CHEK1: variants seen among roughly 807,000 people sequenced by gnomAD.
The protein encoded by CHEK1 is checkpoint kinase 1.
CHEK1 carries 32 observed loss-of-function variants against 60.2 expected under a neutral mutation model. That is an observed-to-expected ratio of 0.53 (90% CI 0.40 to 0.71). The LOEUF (loss-of-function observed/expected upper bound fraction) is 0.71. Ranked by LOEUF, CHEK1 falls within the 30% of genes least tolerant of loss-of-function variation. The pLI, the probability that CHEK1 is intolerant of heterozygous loss-of-function variation, is 0.00. For synonymous variants in CHEK1, 179 were observed against 187.2 expected (o/e 0.96, Z 0.36); for missense variants, 399 against 564.6 (o/e 0.71, Z 2.97).
At position 125,626,167 on chromosome 11, in the gene CHEK1, A is replaced by C. The variant is rs569256953; in HGVS notation, c.-21+155A>C. The C allele has an allele frequency of 9.8e-4, 595 of 608,606 alleles. 1 individual carries two copies. The highest frequency in any genetic ancestry group is 9.1e-3 in the African/African-American group (496 of 54,306). 37.7% of individuals were successfully genotyped at this position (608,606 alleles called of 1,614,324 possible). On this transcript the variant is annotated intron_variant, in intron 1 of 12. Coordinates refer to ENST00000438015, the MANE Select transcript of CHEK1 (RefSeq NM_001114122.3). ...GAGGGGCGGTTTCGGAGGGTGGAGG[A>C]ATGGTACCAGGAGGTTCCCGTTGTG...
chr11:125,660,839 G>A (rs898368750), downstream of CHEK1, among the ~76,000 whole-genome samples: 13 of 151,606 alleles, frequency 8.6e-5, no homozygotes, highest in African/African-American at 1.2e-4. Flanking sequence ...GAAATGGCGC[G>A]ATCTTGGCTC....
intron 8 of CHEK1, among the ~76,000 whole-genome samples, chr11:125,640,317 G>A (rs542691141): frequency 2.2e-4 from 33 of 152,158 alleles, no homozygotes; most frequent in African/African-American, 4.6e-4. Flanking sequence ...CAAGGCGGGC[G>A]GATCACGAGG....
At chr11:125,676,503 G>T, downstream of CHEK1, 3 of 1,613,712 alleles carry the variant, frequency 1.9e-6, no homozygotes, top group South Asian at 3.3e-5. Flanking sequence ...TAAGCCTGAT[G>T]ACATTTCCTT....
chr11:125,628,217 A>G (rs1591391015), intron 3 of CHEK1, among the ~76,000 whole-genome samples: 1 of 152,326 alleles, frequency 6.6e-6, no homozygotes, highest in East Asian at 1.9e-4. Flanking sequence ...TTACAGATCT[A>G]AAATAGCATG....
downstream of CHEK1, among the ~76,000 whole-genome samples, chr11:125,660,257 G>A (rs556354330): frequency 6.6e-6 from 1 of 152,126 alleles, no homozygotes; most frequent in Non-Finnish European, 1.5e-5. Flanking sequence ...ACAGGCTTCT[G>A]TATATCTCCA....
At position 125,656,742 on chromosome 11, in the gene CHEK1, G is replaced by A. The variant is rs1026172464; in HGVS notation, c.*1422G>A. The A allele has an allele frequency of 7.9e-5, 17 of 214,922 alleles. No individual in the cohort carries two copies. The highest frequency in any genetic ancestry group is 3.6e-4 in the African/African-American group (16 of 44,316). 13.3% of individuals were successfully genotyped at this position (214,922 alleles called of 1,614,324 possible). A position where few individuals can be genotyped will look rare whatever the true frequency, so the allele number is the denominator to read the frequency against. Reference sequence around the variant, plus strand: ...TGACCAAAAACAGCTTTTGATTCCTGTTCTCCAACCTGTTCCTCTCCTAGT... The same window carrying A: ...TGACCAAAAACAGCTTTTGATTCCTATTCTCCAACCTGTTCCTCTCCTAGT... On this transcript the variant is annotated 3_prime_UTR_variant, in exon 13 of 13. Coordinates refer to ENST00000438015, the MANE Select transcript of CHEK1 (RefSeq NM_001114122.3).
At chr11:125,657,942 A>G (rs1941949645), downstream of CHEK1, among the ~76,000 whole-genome samples, 1 of 152,258 alleles carries the variant, frequency 6.6e-6, no homozygotes. Context: ...GTGTACAGTT[A>G]CTGGAAAAAC....
downstream of CHEK1, chr11:125,677,720 T>G (rs1401661695): frequency 3.7e-5 from 58 of 1,574,058 alleles, no homozygotes; most frequent in Middle Eastern, 8.5e-4. Flanking sequence ...ACTCCTTCCC[T>G]AAAATTGGGT....
intron 13 of CHEK1, among the ~76,000 whole-genome samples, chr11:125,666,619 C>T (rs1487402130): frequency 2.0e-5 from 3 of 152,108 alleles, no homozygotes; most frequent in Non-Finnish European, 4.4e-5. Context: ...TACTGTATTG[C>T]AGTCGGTCTC....
At chr11:125,660,506 A>G (rs1261207539), downstream of CHEK1, among the ~76,000 whole-genome samples, 1 of 151,988 alleles carries the variant, frequency 6.6e-6, no homozygotes, top group Non-Finnish European at 1.5e-5. Flanking sequence ...GACTACAGGT[A>G]TATGCCACCA....
chr11:125,672,321 T>A, intron 13 of CHEK1: 1 of 356,118 alleles, frequency 2.8e-6, no homozygotes, highest in South Asian at 4.6e-5. Context: ...AAAAGGTCTG[T>A]CTTGAGCCTG....
downstream of CHEK1, among the ~76,000 whole-genome samples, chr11:125,679,216 C>CTTTTTTTTTCT (rs1555078743): frequency 8.3e-6 from 1 of 121,040 alleles, no homozygotes; most frequent in Non-Finnish European, 1.6e-5. Flanking sequence ...CCGTCTCTTT[C>CTTTTTTTTTCT]TTTTTTTTTT....
chr11:125,661,933 T>C (rs563556002), downstream of CHEK1, among the ~76,000 whole-genome samples: 12 of 152,340 alleles, frequency 7.9e-5, no homozygotes, highest in African/African-American at 2.9e-4. Flanking sequence ...TTTTCCCCAC[T>C]GGTATCCAAT....
chr11:125,676,384 C>T (rs1355335051), downstream of CHEK1: 5 of 1,614,050 alleles, frequency 3.1e-6, no homozygotes, highest in African/African-American at 1.3e-5. Context: ...TTAACATGCA[C>T]TGCTGGGAAT....
At chr11:125,652,593 T>C (rs1161576745) in intron 11 of CHEK1, among the ~76,000 whole-genome samples, 1 of 152,124 alleles carries the variant, frequency 6.6e-6, no homozygotes, top group Non-Finnish European at 1.5e-5. Flanking sequence ...ATAGATTGGG[T>C]TGGGGACACA....
rs1268924766 is a variant in CHEK1, at chr11:125,656,533, A to T, written c.*1213A>T. 1 of 214,274 alleles carries T rather than the reference A, an allele frequency of 4.7e-6. No homozygotes were observed. Among genetic ancestry groups the T allele is most frequent in the Admixed American group, 5.8e-5 (1 of 17,096 alleles). The allele number at this position is 214,274 out of a possible 1,614,324, so 13.3% of individuals were successfully genotyped here. A position where few individuals can be genotyped will look rare whatever the true frequency, so the allele number is the denominator to read the frequency against. On this transcript the variant is annotated 3_prime_UTR_variant, in exon 13 of 13. Coordinates refer to ENST00000438015, the MANE Select transcript of CHEK1 (RefSeq NM_001114122.3). ...AAACCTGTTTTATTTATTTGAACCT[A>T]TTTACGGTATGCTTAAGAATTGAAT...
chr11:125,625,818 G>A lies in CHEK1; in HGVS notation c.-215G>A, dbSNP rs1485882936. On this transcript the variant is annotated 5_prime_UTR_variant, in exon 1 of 13. Coordinates refer to ENST00000438015, the MANE Select transcript of CHEK1 (RefSeq NM_001114122.3). ...AGGATCTCTCCCCGACTGCAAAGCA[G>A]CCCTGGGCGGGAGCGGCAACATCTC... is the stretch of plus-strand genomic sequence containing the variant. 2.8e-6 allele frequency: 2 copies of A among 702,462 alleles called. No homozygotes were observed. Among genetic ancestry groups the A allele is most frequent in the Admixed American group, 2.0e-5 (1 of 50,002 alleles). 43.5% of individuals were successfully genotyped at this position (702,462 alleles called of 1,614,324 possible). A position where few individuals can be genotyped will look rare whatever the true frequency, so the allele number is the denominator to read the frequency against.
intron 2 of CHEK1, among the ~76,000 whole-genome samples, chr11:125,627,244 C>G (rs149091216): frequency 1.8e-3 from 273 of 152,174 alleles, no homozygotes; most frequent in African/African-American, 6.4e-3. Context: ...TCGCATCTAC[C>G]CCATAGGAGC....
At chr11:125,679,533 T>C (rs1298663514), downstream of CHEK1, among the ~76,000 whole-genome samples, 1 of 152,210 alleles carries the variant, frequency 6.6e-6, no homozygotes, top group Non-Finnish European at 1.5e-5. Context: ...ATCTCATCAT[T>C]GACTGTCAGA....
Sources: allele counts gnomAD v4.1 joint callset (sites outside exome capture counted in the v4.1 genomes callset), GRCh38; gene constraint gnomAD v4.1.1; transcripts MANE v1.5; gene names NCBI Gene and HGNC (gene_info 2026-07-23, HGNC 2026-07-21).